The following FBXO24 variants were observed in gnomAD, a reference collection of about 807,000 sequenced individuals.
FBXO24 encodes F-box only protein 24.
A neutral mutation model predicts 63.5 loss-of-function variants in FBXO24; 30 were observed. That is an observed-to-expected ratio of 0.47 (90% confidence interval 0.35 to 0.64). FBXO24 has a LOEUF of 0.64. Ranked by LOEUF, FBXO24 falls within the 30% of genes least tolerant of loss-of-function variation. The probability of loss-of-function intolerance (pLI) is 0.00; values close to 1 mark genes in which losing one functional copy is unlikely to be tolerated. For missense variants in FBXO24, 624 were observed against 763.4 expected, an observed-to-expected ratio of 0.82 and a Z score of 2.15; for synonymous variants, 300 against 305.0, an observed-to-expected ratio of 0.98 and a Z score of 0.17.
At chr7:100,593,367 C>A (rs933104349) in intron 5 of FBXO24, among the ~76,000 whole-genome samples, 1 of 152,056 alleles carries the variant, frequency 6.6e-6, no homozygotes, top group Non-Finnish European at 1.5e-5. Context: ...TGCGGCGGCT[C>A]ACACCTGTAA....
rs758814139 is a variant in FBXO24 at position 100,594,867 on chromosome 7, T to C, written c.953-235T>C. ...CCAGAGGCCGAGACAGGAGAATCACTTGAACCAGGAGGTAGAGGTTGCAGT... is the reference window on the plus strand; with the variant it reads ...CCAGAGGCCGAGACAGGAGAATCACCTGAACCAGGAGGTAGAGGTTGCAGT... On this transcript the variant is annotated intron_variant, in intron 6 of 9. Coordinates refer to ENST00000241071, the MANE Select transcript of FBXO24 (RefSeq NM_033506.3). The surrounding 1 kb of genome is among the most constrained non-coding windows in gnomAD (Gnocchi z 4.2). Among the ~76,000 whole-genome samples, 3 of 152,140 alleles carry C rather than the reference T, an allele frequency of 2.0e-5. No individual in the cohort carries two copies. Among genetic ancestry groups the C allele is most frequent in the Non-Finnish European group, 4.4e-5 (3 of 68,014 alleles).
In FBXO24 at chr7:100,589,960, C is replaced by T. The variant is rs747206682; in HGVS notation, c.40-17C>T. Reference sequence around the variant, plus strand: ...TGTGGGACCCTCATGGGACCCTATGCACCCCTTCTTGGGTAGGTGAAGAGA... The same window carrying T: ...TGTGGGACCCTCATGGGACCCTATGTACCCCTTCTTGGGTAGGTGAAGAGA... On this transcript the variant is annotated splice_polypyrimidine_tract_variant and intron_variant, in intron 1 of 9. Coordinates refer to ENST00000241071, the MANE Select transcript of FBXO24 (RefSeq NM_033506.3). The T allele has an allele frequency of 1.2e-6, 2 of 1,609,480 alleles. No homozygotes were observed. The highest frequency in any genetic ancestry group is 1.7e-6 in the Non-Finnish European group (2 of 1,177,592).
In FBXO24 at chr7:100,600,619, A is replaced by G; in HGVS notation, c.1463A>G (p.Tyr488Cys). 1 of 1,613,450 alleles carries G rather than the reference A, an allele frequency of 6.2e-7. No homozygotes were observed. Among genetic ancestry groups the G allele is most frequent in the Non-Finnish European group, 8.5e-7 (1 of 1,179,670 alleles). Reference protein sequence around the residue: ...SSHDIEQHAPYRHLPASRVVG... With the variant: ...SSHDIEQHAPCRHLPASRVVG... Reference sequence around the variant, plus strand: ...CACGACATTGAGCAGCACGCCCCCTATCGCCACCTGCCAGCCAGCAGGGTG... The same window carrying G: ...CACGACATTGAGCAGCACGCCCCCTGTCGCCACCTGCCAGCCAGCAGGGTG... The change falls in exon 10 of 10, where the codon TAT (tyrosine) becomes TGT (cysteine). Residue 488 changes from tyrosine (Y) to cysteine (C), a missense_variant. By Grantham distance (194) the Tyr-to-Cys change is radical. Coordinates refer to ENST00000241071, the MANE Select transcript of FBXO24 (RefSeq NM_033506.3). This position sits in a 1 kb window ranked among gnomAD's most constrained non-coding sequence, Gnocchi z 6.3.
intron 5 of FBXO24, 68 bp downstream of exon 5, chr7:100,593,085 G>T: frequency 4.4e-6 from 6 of 1,355,586 alleles, no homozygotes; most frequent in Non-Finnish European, 5.2e-6. Flanking sequence ...CTGCAGAGGA[G>T]GGGGAGGGAG....
In FBXO24 at chr7:100,600,618, T is replaced by G. The variant is rs763974391; in HGVS notation, c.1462T>G (p.Tyr488Asp). 5 of 1,613,490 alleles carry G rather than the reference T, an allele frequency of 3.1e-6. No individual in the cohort carries two copies. The highest frequency in any genetic ancestry group is 4.2e-6 in the Non-Finnish European group (5 of 1,179,688). Reference protein sequence around the residue: ...SSHDIEQHAPYRHLPASRVVG... With the variant: ...SSHDIEQHAPDRHLPASRVVG... The stretch of plus-strand genomic sequence containing the variant: ...CCACGACATTGAGCAGCACGCCCCC[T>G]ATCGCCACCTGCCAGCCAGCAGGGT... Residue 488 changes from tyrosine to aspartate, a missense_variant, in exon 10 of 10, where the codon TAT becomes GAT. This residue lies in a region of FBXO24 where 216 missense variants were observed against 245.2 expected (regional missense o/e 0.88). Coordinates refer to ENST00000241071, the MANE Select transcript of FBXO24 (RefSeq NM_033506.3). The surrounding 1 kb of genome is among the most constrained non-coding windows in gnomAD (Gnocchi z 6.3).
Position 100,600,452 on chromosome 7 carries a change from T to C in FBXO24, c.1378-82T>C. 2 of 1,517,960 alleles carry C rather than the reference T, an allele frequency of 1.3e-6. No individual in the cohort carries two copies. The highest frequency in any genetic ancestry group is 2.3e-5 in the East Asian group (1 of 44,056). 94.0% of individuals were successfully genotyped at this position (1,517,960 alleles called of 1,614,324 possible). A position where few individuals can be genotyped will look rare whatever the true frequency, so the allele number is the denominator to read the frequency against. On this transcript the variant is annotated intron_variant, in intron 9 of 9. Coordinates refer to ENST00000241071, the MANE Select transcript of FBXO24 (RefSeq NM_033506.3). The surrounding 1 kb of genome is among the most constrained non-coding windows in gnomAD (Gnocchi z 6.3). ...GCTGGTGTGAGAGGGAAGAATGCAA[T>C]AGGCAGATTAGCCCGGGCACCCTGG...
In FBXO24 at chr7:100,589,999, G is replaced by C. The variant is rs960513605; in HGVS notation, c.62G>C (p.Cys21Ser). 3.1e-6 allele frequency: 5 copies of C among 1,613,536 alleles called. No individual in the cohort carries two copies. The African/African-American group carries it at 5.3e-5, about 17-fold the overall frequency. Reference sequence around the variant, plus strand: ...TAGGTGAAGAGAAGCTGCCCTTCTTGTGGCTCGGAGCTTGGGGTTGAAGAG... The same window carrying C: ...TAGGTGAAGAGAAGCTGCCCTTCTTCTGGCTCGGAGCTTGGGGTTGAAGAG... ...RRRVKRSCPS[C>S]GSELGVEEKR... Residue 21 changes from cysteine (C) to serine (S), a missense_variant, in exon 2 of 10, where the codon TGT becomes TCT. By Grantham distance (112) the Cys-to-Ser change is moderately radical. This residue lies in a region of FBXO24 where 391 missense variants were observed against 469.1 expected (regional missense o/e 0.83). Transcript: ENST00000241071.
At chr7:100,592,694 C>A in intron 4 of FBXO24, 89 bp from the exon 5 acceptor site, 1 of 990,836 alleles carries the variant, frequency 1.0e-6, no homozygotes, top group Non-Finnish European at 1.5e-6. Context: ...TGGACCCAAG[C>A]ATTTCACTTC....
At chr7:100,597,271 G>A (rs1414673708) in intron 8 of FBXO24, among the ~76,000 whole-genome samples, 1 of 152,144 alleles carries the variant, frequency 6.6e-6, no homozygotes, top group Non-Finnish European at 1.5e-5. Context: ...GTGGGTGGTA[G>A]GGTTAATTGA....
chr7:100,591,586 C>CT (rs920182073), intron 3 of FBXO24, 81 bp from the exon 4 acceptor site: 3 of 1,341,928 alleles, frequency 2.2e-6, no homozygotes, highest in Admixed American at 1.8e-5. Context: ...ACCAGCGTGT[C>CT]TAAGAAATCT....
chr7:100,593,087 G>C (rs1802112823), intron 5 of FBXO24, 70 bp downstream of exon 5: 1 of 1,360,656 alleles, frequency 7.3e-7, no homozygotes. Context: ...GCAGAGGAGG[G>C]GGAGGGAGGC....
intron 8 of FBXO24, among the ~76,000 whole-genome samples, chr7:100,596,285 A>G (rs1802305450): frequency 6.6e-6 from 1 of 151,828 alleles, no homozygotes; most frequent in South Asian, 2.1e-4. Context: ...TCTCAAAGAA[A>G]AAGAAAAAAG....
intron 4 of FBXO24, chr7:100,592,260 GA>G (rs556573255): frequency 1.8e-4 from 42 of 238,360 alleles, no homozygotes; most frequent in Non-Finnish European, 2.4e-4. Context: ...ACTCCGTCTC[GA>G]AAAAAAAAGA....
chr7:100,598,528 T>C (rs1802418277), intron 8 of FBXO24, among the ~76,000 whole-genome samples: 1 of 152,088 alleles, frequency 6.6e-6, no homozygotes, highest in Non-Finnish European at 1.5e-5. Flanking sequence ...ATAGACTGGC[T>C]GTGGGAAGGA....
In FBXO24 at chr7:100,600,746, A is replaced by G. The variant is rs1802566922; in HGVS notation, c.1590A>G (p.Gln530=). 1 of 1,614,048 alleles carries G rather than the reference A, an allele frequency of 6.2e-7. No homozygotes were observed. The highest frequency in any genetic ancestry group is 8.5e-7 in the Non-Finnish European group (1 of 1,180,018). ...EEYLSQIHSC[Q]TLQDRTEKMK... ...ACCTCAGCCAGATCCACAGTTGCCAAACGTTGCAGGACCGCACGGAGAAGA... is the reference window on the plus strand; with the variant it reads ...ACCTCAGCCAGATCCACAGTTGCCAGACGTTGCAGGACCGCACGGAGAAGA... Residue 530 remains glutamine (Q), a synonymous_variant, in exon 10 of 10, where the codon CAA becomes CAG. Coordinates refer to ENST00000241071, the MANE Select transcript of FBXO24 (RefSeq NM_033506.3). This position sits in a 1 kb window ranked among gnomAD's most constrained non-coding sequence, Gnocchi z 6.3.
chr7:100,592,535 C>T (rs1178956334), intron 4 of FBXO24, among the ~76,000 whole-genome samples: 4 of 152,190 alleles, frequency 2.6e-5, no homozygotes, highest in African/African-American at 7.2e-5. Context: ...TATTACAATT[C>T]GAGATGAGAT....
chr7:100,589,382 C>G (rs1027228788), intron 1 of FBXO24: 2 of 1,164,604 alleles, frequency 1.7e-6, no homozygotes, highest in African/African-American at 1.6e-5. Context: ...CTCCTGCTCC[C>G]TGAAATAAAG....
rs774407220 is a variant in FBXO24, at chr7:100,586,645, C to G, written c.20C>G (p.Pro7Arg). 3.1e-6 allele frequency: 5 copies of G among 1,614,110 alleles called. No homozygotes were observed. Among genetic ancestry groups the G allele is most frequent in the Non-Finnish European group, 4.2e-6 (5 of 1,180,022 alleles). ...AATAGCATGGGCGAGAAGGCGGTCC[C>G]TTTGCTAAGGAGGAGGCGGGTGAGC... Reference protein sequence around the residue: MGEKAVPLLRRRRVKRS... With the variant: MGEKAVRLLRRRRVKRS... Residue 7 changes from proline (P) to arginine (R), a missense_variant, in exon 1 of 10, where the codon CCT becomes CGT. This residue lies in a region of FBXO24 where 391 missense variants were observed against 469.1 expected (regional missense o/e 0.83). Transcript: ENST00000241071.
At chr7:100,591,491 C>CGA (rs1279890401) in intron 3 of FBXO24, among the ~76,000 whole-genome samples, 176 bp from the exon 4 acceptor site, 6 of 152,108 alleles carry the variant, frequency 3.9e-5, no homozygotes, top group Admixed American at 2.0e-4. Context: ...GTTCACATGT[C>CGA]GAGTATAATC....
Sources: gnomAD v4.1 joint callset for allele counts (sites outside exome capture counted in the v4.1 genomes callset) on GRCh38, gnomAD v4.1.1 for gene constraint, gnomAD v4.1.1 regional missense constraint, Gnocchi (gnomAD v3.1) non-coding constraint, MANE v1.5 for transcripts, NCBI Gene and HGNC (gene_info 2026-07-23, HGNC 2026-07-21) for gene names.